The following BAZ1B variants were observed in gnomAD, a reference collection of about 807,000 sequenced individuals.
The protein encoded by BAZ1B is tyrosine-protein kinase BAZ1B.
Under a neutral mutation model 153.8 loss-of-function variants are expected in BAZ1B, and 22 were observed. That is an observed-to-expected ratio of 0.14 (90% CI 0.10 to 0.20). The LOEUF (loss-of-function observed/expected upper bound fraction) is 0.20, where lower values mean the gene tolerates loss of function less well. Ranked by LOEUF, BAZ1B falls within the 10% of genes least tolerant of loss-of-function variation. The pLI is 1.00. For synonymous variants in BAZ1B, 676 were observed against 633.4 expected, an observed-to-expected ratio of 1.07 and a Z score of -1.01; for missense variants, 1,325 against 1,799.3, an observed-to-expected ratio of 0.74 and a Z score of 4.77.
At position 73,477,055 on chromosome 7, in the gene BAZ1B, T is replaced by G. The variant is rs1417044695; in HGVS notation, c.2406A>C (p.Glu802Asp). 2 of 1,614,194 alleles carry G rather than the reference T, an allele frequency of 1.2e-6. No individual in the cohort carries two copies. The highest frequency in any genetic ancestry group is 3.3e-5 in the Admixed American group (2 of 60,012). Residue 802 changes from glutamate to aspartate, a missense_variant, in exon 7 of 20, where the codon GAA (glutamate) becomes GAC (aspartate). By Grantham distance (45) the Glu-to-Asp change is conservative. Coordinates refer to ENST00000339594, the MANE Select transcript of BAZ1B (RefSeq NM_032408.4). The surrounding 1 kb of genome is among the most constrained non-coding windows in gnomAD (Gnocchi z 5.6). ...CTTTTCCATTTTCTTTATTTTTGGCTTCCATTTCTTTCCGTTTCTGTTTCT... is the reference window on the plus strand; with the variant it reads ...CTTTTCCATTTTCTTTATTTTTGGCGTCCATTTCTTTCCGTTTCTGTTTCT... ...RAEKQKRKEM[E>D]AKNKENGKVE... is the part of the protein sequence containing the mutation.
chr7:73,457,960 T>C (rs781793657), intron 13 of BAZ1B, among the ~76,000 whole-genome samples: 1 of 152,232 alleles, frequency 6.6e-6, no homozygotes, highest in Non-Finnish European at 1.5e-5. Flanking sequence ...CTCATCCATC[T>C]GGCTGTTCCT....
In BAZ1B at chr7:73,442,404, G is replaced by A; in HGVS notation, c.4244C>T (p.Ala1415Val). ...GCTGCCACGGCAGTTGTAAACCTCAGCATTGGTAAACACTTGCTTCATGTC... is the reference window on the plus strand; with the variant it reads ...GCTGCCACGGCAGTTGTAAACCTCAACATTGGTAAACACTTGCTTCATGTC... ...LTDMKQVFTN[A>V]EVYNCRGSHV... Residue 1415 changes from alanine to valine, a missense_variant, in exon 19 of 20, where the codon GCT (alanine) becomes GTT (valine). Around this residue, in one of 9 missense-constraint regions of BAZ1B, gnomAD observed 271 missense variants for 337.2 expected, o/e 0.80. Transcript: ENST00000339594. 1 of 1,614,228 alleles carries A rather than the reference G, an allele frequency of 6.2e-7. No individual in the cohort carries two copies. Among genetic ancestry groups the A allele is most frequent in the Non-Finnish European group, 8.5e-7 (1 of 1,180,046 alleles).
At chr7:73,504,334 C>T (rs1790247140) in intron 3 of BAZ1B, among the ~76,000 whole-genome samples, 1 of 152,112 alleles carries the variant, frequency 6.6e-6, no homozygotes, top group African/African-American at 2.4e-5. Context: ...GCCTGGACAA[C>T]ATGGCAAGAC....
At chr7:73,494,484 C>T (rs782599545) in intron 4 of BAZ1B, among the ~76,000 whole-genome samples, 1 of 152,192 alleles carries the variant, frequency 6.6e-6, no homozygotes, top group Non-Finnish European at 1.5e-5. Flanking sequence ...CAGGCTCACA[C>T]AGGTAATCCC....
At position 73,482,798 on chromosome 7, in the gene BAZ1B, T is replaced by C. The variant is rs564996175; in HGVS notation, c.892-4229A>G. ...TTTTGTGCCAAGCCACACCATGTTTTTGTTTGTTTTTTTCTTAAAAATGAA... is the reference window on the plus strand; with the variant it reads ...TTTTGTGCCAAGCCACACCATGTTTCTGTTTGTTTTTTTCTTAAAAATGAA... On this transcript the variant is annotated intron_variant, in intron 6 of 19. Transcript: ENST00000339594. Among the ~76,000 whole-genome samples, 4 of 152,288 alleles carry C rather than the reference T, an allele frequency of 2.6e-5. No homozygotes were observed. In the South Asian group the frequency reaches 8.3e-4, roughly 32 times the overall value.
At chr7:73,456,211 T>C (rs1207276809) in intron 13 of BAZ1B, among the ~76,000 whole-genome samples, 1 of 151,792 alleles carries the variant, frequency 6.6e-6, no homozygotes, top group Non-Finnish European at 1.5e-5. Context: ...TCTAGAAAAA[T>C]ACAAGAGAAA....
At chr7:73,510,186 T>G (rs1329507770) in intron 2 of BAZ1B, among the ~76,000 whole-genome samples, 3 of 151,188 alleles carry the variant, frequency 2.0e-5, no homozygotes, top group Non-Finnish European at 4.4e-5. Flanking sequence ...TCCCAGCACT[T>G]TGGGAGGCCA....
Position 73,442,257 on chromosome 7 carries a change from T to A in BAZ1B, c.4391A>T (p.Asp1464Val). 1.2e-6 allele frequency: 2 copies of A among 1,612,212 alleles called. No individual in the cohort carries two copies. Among genetic ancestry groups the A allele is most frequent in the East Asian group, 4.5e-5 (2 of 44,728 alleles). ...RKKFPDRLAE[D>V]EGDSEPEAVG... ...GGCCTCTGGCTCACTGTCCCCTTCA[T>A]CTTCAGCAAGCCTATCAGGAAACTT... Residue 1464 changes from aspartate (D) to valine (V), a missense_variant, in exon 19 of 20, where the codon GAT (aspartate) becomes GTT (valine). Coordinates refer to ENST00000339594, the MANE Select transcript of BAZ1B (RefSeq NM_032408.4).
At chr7:73,481,713 G>GGAAA (rs1789207391) in intron 6 of BAZ1B, among the ~76,000 whole-genome samples, 1 of 151,800 alleles carries the variant, frequency 6.6e-6, no homozygotes, top group African/African-American at 2.4e-5. Context: ...GCAGGTTATT[G>GGAAA]TTCCTCTGCC....
chr7:73,478,323 T>C lies in BAZ1B; in HGVS notation c.1138A>G (p.Thr380Ala). ...MKMMSPNKLH[T>A]NFHIPKKGPP... is the part of the protein sequence containing the mutation. ...CCTTTTTTAGGAATGTGAAAGTTAG[T>C]GTGCAGCTTATTGGGCGACATCATC... The change falls in exon 7 of 20, where the codon ACT (threonine) becomes GCT (alanine). Residue 380 changes from threonine to alanine, a missense_variant. By Grantham distance (58) the Thr-to-Ala change is moderately conservative. Transcript: ENST00000339594. 2 of 1,614,124 alleles carry C rather than the reference T, an allele frequency of 1.2e-6. No individual in the cohort carries two copies. The highest frequency in any genetic ancestry group is 1.7e-6 in the Non-Finnish European group (2 of 1,180,024).
intron 4 of BAZ1B, among the ~76,000 whole-genome samples, chr7:73,497,644 A>G (rs936607050): frequency 6.6e-6 from 1 of 152,160 alleles, no homozygotes; most frequent in Non-Finnish European, 1.5e-5. Context: ...ACAAGCCTCC[A>G]AAGAATTTTC....
intron 12 of BAZ1B, chr7:73,462,659 CA>C: frequency 2.3e-6 from 1 of 440,898 alleles, no homozygotes; most frequent in East Asian, 4.8e-5. Flanking sequence ...CCTCTACAAC[CA>C]GTTTTCATTC....
Position 73,465,652 on chromosome 7 carries a change from G to A in BAZ1B, c.2973-115C>T, listed in dbSNP as rs113439663. On this transcript the variant is annotated intron_variant, in intron 10 of 19. Coordinates refer to ENST00000339594, the MANE Select transcript of BAZ1B (RefSeq NM_032408.4). ...GACTTGGGAGAACAGAATTCCAAAT[G>A]TGTTCACAATCTACTATCTAGAAGT... 1.1e-3 allele frequency: 685 copies of A among 603,614 alleles called. 2 individuals carry two copies. Among genetic ancestry groups the A allele is most frequent in the African/African-American group, 8.6e-3 (462 of 53,540 alleles). The allele number at this position is 603,614 out of a possible 1,614,324, so 37.4% of individuals were successfully genotyped here.
Position 73,442,442 on chromosome 7 carries a change from C to A in BAZ1B, c.4206G>T (p.Gln1402His). The A allele has an allele frequency of 6.2e-7, 1 of 1,614,252 alleles. No individual in the cohort carries two copies. Among genetic ancestry groups the A allele is most frequent in the South Asian group, 1.1e-5 (1 of 91,084 alleles). Reference sequence around the variant, plus strand: ...CTTGCTTCATGTCAGTAAGAAACTCCTGCACAGAGCGGTAGCTCCCACAGG... The same window carrying A: ...CTTGCTTCATGTCAGTAAGAAACTCATGCACAGAGCGGTAGCTCCCACAGG... Reference protein sequence around the residue: ...KCSCGSYRSVQEFLTDMKQVF... With the variant: ...KCSCGSYRSVHEFLTDMKQVF... The change falls in exon 19 of 20, where the codon CAG (glutamine) becomes CAT (histidine). Residue 1402 changes from glutamine to histidine, a missense_variant. By Grantham distance (24) the Gln-to-His change is conservative (BLOSUM62 0). Transcript: ENST00000339594.
chr7:73,495,242 C>T (rs1283599829), intron 4 of BAZ1B, among the ~76,000 whole-genome samples: 2 of 152,168 alleles, frequency 1.3e-5, no homozygotes, highest in Non-Finnish European at 2.9e-5. Flanking sequence ...AAGATCGTGC[C>T]ACTGCGCTCC....
At chr7:73,485,100 T>TTTTTG (rs1458041979) in intron 6 of BAZ1B, among the ~76,000 whole-genome samples, 1 of 152,140 alleles carries the variant, frequency 6.6e-6, no homozygotes, top group East Asian at 1.9e-4. Context: ...ATCCTTGATT[T>TTTTTG]TTTTGTTTTG....
intron 13 of BAZ1B, among the ~76,000 whole-genome samples, chr7:73,452,970 C>T (rs1788071789): frequency 1.3e-5 from 2 of 152,048 alleles, no homozygotes; most frequent in South Asian, 2.1e-4. Flanking sequence ...CTATTTAATT[C>T]AATAAAACAA....
chr7:73,453,230 T>C (rs1319102506), intron 13 of BAZ1B, among the ~76,000 whole-genome samples: 1 of 152,258 alleles, frequency 6.6e-6, no homozygotes, highest in Admixed American at 6.5e-5. Flanking sequence ...GCCATTTTAA[T>C]GCAGAACACT....
In BAZ1B at chr7:73,447,329, T is replaced by A; in HGVS notation, c.3779A>T (p.Asp1260Val). 6.2e-7 allele frequency: 1 copy of A among 1,613,434 alleles called. No homozygotes were observed. Residue 1260 changes from aspartate to valine, a missense_variant, in exon 16 of 20, where the codon GAT becomes GTT. Asp to Val is a radical substitution (Grantham distance 152, BLOSUM62 -3). Coordinates refer to ENST00000339594, the MANE Select transcript of BAZ1B (RefSeq NM_032408.4). ...CTCTTCTTCCTCCTCCTCCTCTTCA[T>A]CACTCTCATCATCTTCACTGTCCTC... Reference protein sequence around the residue: ...ASEDSEDDESDEEEEEEEEEE... With the variant: ...ASEDSEDDESVEEEEEEEEEE...
Sources: gnomAD v4.1 joint callset for allele counts (sites outside exome capture counted in the v4.1 genomes callset) on GRCh38, gnomAD v4.1.1 for gene constraint, gnomAD v4.1.1 regional missense constraint, Gnocchi (gnomAD v3.1) non-coding constraint, MANE v1.5 for transcripts, NCBI Gene and HGNC (gene_info 2026-07-23, HGNC 2026-07-21) for gene names.